The following CDH4 variants were observed in gnomAD, a reference collection of about 807,000 sequenced individuals.
CDH4 encodes the protein cadherin-4.
A neutral mutation model predicts 86.0 loss-of-function variants in CDH4; 33 were observed. The observed-to-expected ratio is 0.38, with a 90% confidence interval of 0.29 to 0.51. The LOEUF (loss-of-function observed/expected upper bound fraction) is 0.51, where lower values mean the gene tolerates loss of function less well. Among genes scored for constraint, CDH4 ranks in the 20% least tolerant of loss-of-function variants. The probability of loss-of-function intolerance (pLI) is 0.86; values close to 1 mark genes in which losing one functional copy is unlikely to be tolerated. For synonymous variants in CDH4, 555 were observed against 549.4 expected, an observed-to-expected ratio of 1.01 and a Z score of -0.14; for missense variants, 1,114 against 1,307.4, an observed-to-expected ratio of 0.85 and a Z score of 2.28.
intron 7 of CDH4, 130 bp from the exon 8 acceptor site, chr20:61,894,780 A>G: frequency 2.0e-6 from 2 of 1,008,478 alleles, no homozygotes; most frequent in Non-Finnish European, 2.9e-6. Context: ...CGCCCAGCAC[A>G]CAGCCCCCAG....
At chr20:61,788,052 G>A (rs1306718731) in intron 4 of CDH4, among the ~76,000 whole-genome samples, 7 of 152,180 alleles carry the variant, frequency 4.6e-5, no homozygotes, top group Non-Finnish European at 1.0e-4. Flanking sequence ...TCTGACTGCC[G>A]TGAGGGACCA....
At chr20:61,466,091 C>T (rs2085470192) in intron 2 of CDH4, among the ~76,000 whole-genome samples, 1 of 152,170 alleles carries the variant, frequency 6.6e-6, no homozygotes, top group African/African-American at 2.4e-5. Flanking sequence ...TGTTCCTGTG[C>T]ACCCAAGGAG....
intron 2 of CDH4, among the ~76,000 whole-genome samples, chr20:61,664,841 G>A (rs778526918): frequency 2.3e-4 from 35 of 152,326 alleles, no homozygotes; most frequent in African/African-American, 6.7e-4. Context: ...CTAATGTGGC[G>A]TCTTGGTGTC....
At chr20:61,289,701 A>G (rs912006082) in intron 2 of CDH4, among the ~76,000 whole-genome samples, 12 of 151,074 alleles carry the variant, frequency 7.9e-5, no homozygotes, top group African/African-American at 2.9e-4. Flanking sequence ...CCCGTATCCA[A>G]CGAGACTTGC....
At position 61,703,787 on chromosome 20, in the gene CDH4, G is replaced by C. The variant is rs1343867056; in HGVS notation, c.170-39776G>C. ...ACTATTCAGCCTCCCTCCCCTGACT[G>C]TGTCCTTTTCATTTTAATTTTAAGC... On this transcript the variant is annotated intron_variant, in intron 2 of 15. Transcript: ENST00000614565. The surrounding 1 kb of genome is among the most constrained non-coding windows in gnomAD (Gnocchi z 4.3). Among the ~76,000 whole-genome samples, 1 of 152,220 alleles carries C rather than the reference G, an allele frequency of 6.6e-6. No homozygotes were observed. Among genetic ancestry groups the C allele is most frequent in the African/African-American group, 2.4e-5 (1 of 41,444 alleles).
Position 61,620,316 on chromosome 20 carries a change from G to A in CDH4, c.170-123247G>A, listed in dbSNP as rs144356843. ...TGATAGATGGTAGGTAGATAGGTAG[G>A]TAGATGGATGGATGGATAGATGGAT... is the stretch of plus-strand genomic sequence containing the variant. On this transcript the variant is annotated intron_variant, in intron 2 of 15. Transcript: ENST00000614565. 7.4e-3 allele frequency among the ~76,000 whole-genome samples: 1,110 copies of A among 150,542 alleles called. 13 individuals carry two copies. The highest frequency in any genetic ancestry group is 0.026 in the African/African-American group (1,046 of 40,694).
At chr20:61,839,723 AGT>A (rs914754428) in intron 4 of CDH4, among the ~76,000 whole-genome samples, 9 of 142,808 alleles carry the variant, frequency 6.3e-5, no homozygotes, top group Middle Eastern at 4.5e-3. Flanking sequence ...TTGTGTATTG[AGT>A]GTGTGTGTTG....
intron 8 of CDH4, among the ~76,000 whole-genome samples, chr20:61,899,878 T>G (rs1250447235): frequency 3.9e-5 from 6 of 152,178 alleles, no homozygotes. Context: ...AATACAGATT[T>G]TTCTCTCAAA....
intron 2 of CDH4, among the ~76,000 whole-genome samples, chr20:61,564,025 C>T (rs2086243079): frequency 6.6e-6 from 1 of 152,226 alleles, no homozygotes; most frequent in African/African-American, 2.4e-5. Flanking sequence ...TCTGTCCGTC[C>T]CTCAATGCAC....
chr20:61,359,534 TGA>T (rs1178268146), intron 2 of CDH4, among the ~76,000 whole-genome samples: 2 of 152,250 alleles, frequency 1.3e-5, no homozygotes, highest in African/African-American at 4.8e-5. Context: ...GAGTCTGGGC[TGA>T]GTCTTTGCTG....
chr20:61,790,102 T>C lies in CDH4; in HGVS notation c.576+16920T>C, dbSNP rs192680548. ...CTGTTCATCCATGTATCCACACTTCTACCTACCCATCCATTCATCCATCCA... is the reference window on the plus strand; with the variant it reads ...CTGTTCATCCATGTATCCACACTTCCACCTACCCATCCATTCATCCATCCA... On this transcript the variant is annotated intron_variant, in intron 4 of 15. Transcript: ENST00000614565. Among the ~76,000 whole-genome samples the C allele has an allele frequency of 3.9e-5, 6 of 151,946 alleles. No individual in the cohort carries two copies. In the East Asian group the frequency reaches 1.2e-3, roughly 29 times the overall value.
intron 4 of CDH4, among the ~76,000 whole-genome samples, chr20:61,803,427 T>C (rs1286895714): frequency 6.6e-6 from 1 of 152,236 alleles, no homozygotes; most frequent in African/African-American, 2.4e-5. Context: ...AATCTTTTCG[T>C]TCAACTGTTC....
chr20:61,770,752 G>T (rs188209167), intron 3 of CDH4, among the ~76,000 whole-genome samples: 1 of 151,924 alleles, frequency 6.6e-6, no homozygotes, highest in African/African-American at 2.4e-5. Context: ...GCGTGGTGGC[G>T]GGCGCCTGTA....
intron 8 of CDH4, among the ~76,000 whole-genome samples, chr20:61,895,413 C>T (rs977448985): frequency 3.3e-5 from 5 of 152,216 alleles, no homozygotes; most frequent in African/African-American, 1.2e-4. Flanking sequence ...CTTGGCATGG[C>T]GGGTCCATCC....
intron 2 of CDH4, among the ~76,000 whole-genome samples, chr20:61,528,004 T>C (rs918412824): frequency 2.0e-5 from 3 of 152,086 alleles, no homozygotes; most frequent in African/African-American, 7.2e-5. Context: ...TTCCAGGGTA[T>C]AGAGATAGTT....
intron 2 of CDH4, chr20:61,370,466 G>A (rs894651736): frequency 3.9e-5 from 6 of 152,250 alleles, no homozygotes; most frequent in Admixed American, 3.3e-4. Flanking sequence ...CCTCTCCCCA[G>A]TGCCGCTGAG....
At chr20:61,887,277 G>T (rs1213194424) in intron 7 of CDH4, among the ~76,000 whole-genome samples, 2 of 152,146 alleles carry the variant, frequency 1.3e-5, no homozygotes, top group Admixed American at 6.5e-5. Context: ...GGGTCCCCTG[G>T]GAGAGTTCTT....
intron 2 of CDH4, among the ~76,000 whole-genome samples, chr20:61,366,533 C>T (rs540427090): frequency 5.8e-4 from 88 of 152,368 alleles, no homozygotes; most frequent in African/African-American, 1.1e-3. Flanking sequence ...TTATTAACAG[C>T]AAGCCAGTCA....
intron 2 of CDH4, among the ~76,000 whole-genome samples, chr20:61,355,892 G>T (rs544490901): frequency 6.6e-6 from 1 of 152,338 alleles, no homozygotes; most frequent in East Asian, 1.9e-4. Flanking sequence ...TCCACAGCCT[G>T]TTAGGGCATG....
Sources: gnomAD v4.1 joint callset for allele counts (sites outside exome capture counted in the v4.1 genomes callset) on GRCh38, gnomAD v4.1.1 for gene constraint, Gnocchi (gnomAD v3.1) non-coding constraint, MANE v1.5 for transcripts, NCBI Gene and HGNC (gene_info 2026-07-23, HGNC 2026-07-21) for gene names.